The following TLE1 variants were observed in gnomAD, a reference collection of about 807,000 sequenced individuals.
The protein encoded by TLE1 is transducin-like enhancer protein 1.
Under a neutral mutation model 89.8 loss-of-function variants are expected in TLE1, and 21 were observed. That is an observed-to-expected ratio of 0.23 (90% CI 0.17 to 0.34). The LOEUF is 0.34. Ranked by LOEUF, TLE1 falls within the 10% of genes least tolerant of loss-of-function variation. TLE1 has a pLI of 1.00. For synonymous variants in TLE1, 447 were observed against 407.6 expected, an observed-to-expected ratio of 1.10 and a Z score of -1.16; for missense variants, 795 against 1,031.2, an observed-to-expected ratio of 0.77 and a Z score of 3.14.
chr9:81,590,719 GGCTGCAGGCAGCCAGA>G lies in TLE1; in HGVS notation c.1829+70_1829+85del, dbSNP rs1829363513. 7 of 1,551,910 alleles carry G rather than the reference GGCTGCAGGCAGCCAGA, an allele frequency of 4.5e-6. No homozygotes were observed. In the South Asian group the frequency reaches 8.7e-5, roughly 19 times the overall value. On this transcript the variant is annotated intron_variant, in intron 16 of 19. Coordinates refer to ENST00000376499, the MANE Select transcript of TLE1 (RefSeq NM_005077.5). ...GCATTCAAGAGGCTCTTATTGTGTG[GGCTGCAGGCAGCCAGA>G]GAGAAGCAGAGGTGATAGGCCCAGC... is the stretch of plus-strand genomic sequence containing the variant.
intron 12 of TLE1, 82 bp from the exon 13 acceptor site, chr9:81,612,041 T>C (rs1470489518): frequency 2.2e-5 from 25 of 1,123,608 alleles, no homozygotes; most frequent in Non-Finnish European, 2.7e-5. Context: ...CATCATTTGT[T>C]AGTGTCACTC....
chr9:81,596,112 T>C (rs766816814), intron 14 of TLE1, among the ~76,000 whole-genome samples: 9 of 152,284 alleles, frequency 5.9e-5, no homozygotes, highest in South Asian at 2.1e-4. Flanking sequence ...CCAGATTAAA[T>C]AGATGCACCG....
chr9:81,592,284 G>A (rs62578591), intron 15 of TLE1, among the ~76,000 whole-genome samples: 11,561 of 152,316 alleles, frequency 0.076, 523 homozygotes, highest in Middle Eastern at 0.15. Flanking sequence ...CGTAAACCCC[G>A]GAGGCGGAGC....
intron 4 of TLE1, among the ~76,000 whole-genome samples, chr9:81,668,899 T>A (rs1336038153): frequency 6.6e-6 from 1 of 152,200 alleles, no homozygotes; most frequent in Non-Finnish European, 1.5e-5. Flanking sequence ...TCACAAGTTA[T>A]TTTACAAGTG....
rs764577076 is a variant in TLE1 at position 81,688,220 on chromosome 9, G to C, written c.21C>G (p.His7Gln). 6 of 1,596,786 alleles carry C rather than the reference G, an allele frequency of 3.8e-6. No homozygotes were observed. The highest frequency in any genetic ancestry group is 5.1e-6 in the Non-Finnish European group (6 of 1,171,816). MFPQSR[H>Q]PTPHQAAGQP... is the part of the protein sequence containing the mutation. ...CCACCACCCAGCCGCGCCTCACCGG[G>C]TGCCGGCTCTGCGGGAACATCGCTC... The change falls in exon 1 of 20, where the codon CAC becomes CAG. Residue 7 changes from histidine (H) to glutamine (Q), a missense_variant. Transcript: ENST00000376499.
intron 14 of TLE1, among the ~76,000 whole-genome samples, chr9:81,600,960 CCAG>C (rs1333818695): frequency 6.6e-6 from 1 of 152,152 alleles, no homozygotes; most frequent in Non-Finnish European, 1.5e-5. Context: ...TAGAACTGCG[CCAG>C]CTTTCCCGGG....
intron 15 of TLE1, 98 bp from the exon 16 acceptor site, chr9:81,591,150 TG>T (rs2131820912): frequency 6.8e-7 from 1 of 1,479,902 alleles, no homozygotes; most frequent in African/African-American, 1.4e-5. Context: ...TTAAGAGTGG[TG>T]TTTCATGGAC....
At chr9:81,602,666 G>A (rs909880849) in intron 14 of TLE1, among the ~76,000 whole-genome samples, 1 of 152,130 alleles carries the variant, frequency 6.6e-6, no homozygotes. Flanking sequence ...TGCTCAATCT[G>A]TATTCAACTT....
rs558089446 is a variant in TLE1 at position 81,607,305 on chromosome 9, T to C, written c.1331+2915A>G. Among the ~76,000 whole-genome samples the C allele has an allele frequency of 2.0e-4, 31 of 151,230 alleles. No individual in the cohort carries two copies. In the South Asian group the frequency reaches 6.3e-3, roughly 31 times the overall value. ...GACATGAATACTTTAATAAGCATGA[T>C]ATTACTTCTGTCTTACAACTGACCC... On this transcript the variant is annotated intron_variant, in intron 14 of 19. Coordinates refer to ENST00000376499, the MANE Select transcript of TLE1 (RefSeq NM_005077.5).
chr9:81,623,616 T>TAA (rs1563985629), intron 8 of TLE1, among the ~76,000 whole-genome samples: 153 of 84,346 alleles, frequency 1.8e-3, no homozygotes, highest in African/African-American at 7.9e-3. Flanking sequence ...CCATCTGTAC[T>TAA]TAAAAAAAAA....
At chr9:81,687,697 G>A (rs945894514) in intron 1 of TLE1, among the ~76,000 whole-genome samples, 25 of 151,980 alleles carry the variant, frequency 1.6e-4, no homozygotes, top group Non-Finnish European at 1.6e-4. Context: ...CCAGGCCAAA[G>A]GGAAGGGGGC....
At chr9:81,619,224 A>G (rs1029295823) in intron 9 of TLE1, among the ~76,000 whole-genome samples, 8 of 152,236 alleles carry the variant, frequency 5.3e-5, no homozygotes, top group Non-Finnish European at 1.2e-4. Flanking sequence ...GATATGTGCT[A>G]AAAAGTGTTG....
intron 2 of TLE1, 36 bp from the exon 3 acceptor site, chr9:81,685,932 T>A (rs373419880): frequency 2.6e-5 from 41 of 1,607,776 alleles, no homozygotes; most frequent in Non-Finnish European, 3.5e-5. Flanking sequence ...ATGTAAACAT[T>A]ATGTCACTTG....
intron 6 of TLE1, among the ~76,000 whole-genome samples, chr9:81,638,350 A>G (rs1225848977): frequency 6.6e-6 from 1 of 152,140 alleles, no homozygotes; most frequent in East Asian, 1.9e-4. Flanking sequence ...TATAAACACA[A>G]AGTGTCATTT....
At chr9:81,683,064 T>C (rs1450246455) in intron 4 of TLE1, among the ~76,000 whole-genome samples, 1 of 152,102 alleles carries the variant, frequency 6.6e-6, no homozygotes, top group Non-Finnish European at 1.5e-5. Context: ...ACTTTAAAAC[T>C]TCCAGACAGG....
At chr9:81,682,628 T>C (rs1429321137) in intron 4 of TLE1, among the ~76,000 whole-genome samples, 1 of 152,134 alleles carries the variant, frequency 6.6e-6, no homozygotes, top group Non-Finnish European at 1.5e-5. Context: ...ACAAAAACAT[T>C]TAAAGATCAC....
chr9:81,612,034 C>G, intron 12 of TLE1, 75 bp from the exon 13 acceptor site: 1 of 1,184,176 alleles, frequency 8.4e-7, no homozygotes. Flanking sequence ...CTGGCCTCAT[C>G]ATTTGTTAGT....
intron 4 of TLE1, among the ~76,000 whole-genome samples, chr9:81,683,018 C>A (rs1833818784): frequency 6.6e-6 from 1 of 152,146 alleles, no homozygotes; most frequent in African/African-American, 2.4e-5. Context: ...GGAAAGGAAA[C>A]CACAATTATA....
At chr9:81,687,942 G>A (rs564861961) in intron 1 of TLE1, among the ~76,000 whole-genome samples, 2 of 152,236 alleles carry the variant, frequency 1.3e-5, no homozygotes, top group East Asian at 3.9e-4. Flanking sequence ...GAAGGTAGAG[G>A]GGATATGGCT....
Sources: gnomAD v4.1 joint callset for allele counts (sites outside exome capture counted in the v4.1 genomes callset) on GRCh38, gnomAD v4.1.1 for gene constraint, MANE v1.5 for transcripts, NCBI Gene and HGNC (gene_info 2026-07-23, HGNC 2026-07-21) for gene names.